The following CSMD1 variants were observed in gnomAD, a reference collection of about 807,000 sequenced individuals.
CSMD1 encodes the protein CUB and sushi domain-containing protein 1.
A neutral mutation model predicts 417.5 loss-of-function variants in CSMD1; 213 were observed. The observed-to-expected ratio is 0.51, with a 90% CI of 0.46 to 0.57. The LOEUF (loss-of-function observed/expected upper bound fraction) is 0.57, where lower values mean the gene tolerates loss of function less well. Ranked by LOEUF, CSMD1 falls within the 20% of genes least tolerant of loss-of-function variation. CSMD1 has a pLI of 0.00. For synonymous variants in CSMD1, 2,862 were observed against 1,736.8 expected, an observed-to-expected ratio of 1.65 and a Z score of -16.11; for missense variants, 6,923 against 4,529.7, an observed-to-expected ratio of 1.53 and a Z score of -15.17.
intron 7 of CSMD1, among the ~76,000 whole-genome samples, chr8:3,706,736 C>G (rs550494856): frequency 3.5e-4 from 54 of 152,226 alleles, no homozygotes; most frequent in Non-Finnish European, 5.9e-4. Flanking sequence ...AACTTTAGAT[C>G]ATTTGTGCAG....
At position 3,202,146 on chromosome 8, in the gene CSMD1, C is replaced by T. The variant is rs544836007; in HGVS notation, c.4985-421G>A. On this transcript the variant is annotated intron_variant, in intron 31 of 69. Transcript: ENST00000635120. ...TTGTACCACTGCACTCCAGCCTGGG[C>T]GACAGAGTGAGACTCTGTCTCAAGA... Among the ~76,000 whole-genome samples the T allele has an allele frequency of 4.6e-5, 7 of 151,952 alleles. No individual in the cohort carries two copies. In the South Asian group the frequency reaches 8.3e-4, roughly 18 times the overall value.
At chr8:4,733,660 C>G (rs1014849814) in intron 1 of CSMD1, among the ~76,000 whole-genome samples, 5 of 152,210 alleles carry the variant, frequency 3.3e-5, no homozygotes, top group Non-Finnish European at 5.9e-5. Context: ...CACATCTGAA[C>G]AGGTATTTTG....
rs76422407 is a variant in CSMD1, at chr8:2,974,342, C to T, written c.8740+109G>A. The T allele has an allele frequency of 2.0e-3, 2,078 of 1,038,772 alleles. 28 individuals carry two copies. In the African/African-American group the frequency reaches 0.029, roughly 15 times the overall value. 64.3% of individuals were successfully genotyped at this position (1,038,772 alleles called of 1,614,324 possible). ...ATGCAATACTAATTTCAAATAAATGCATAATTATAGGGCTTTTCAAATAAC... is the reference window on the plus strand; with the variant it reads ...ATGCAATACTAATTTCAAATAAATGTATAATTATAGGGCTTTTCAAATAAC... On this transcript the variant is annotated intron_variant, in intron 56 of 69. Transcript: ENST00000635120.
chr8:4,041,695 A>G (rs1797903251), intron 3 of CSMD1, among the ~76,000 whole-genome samples: 1 of 152,236 alleles, frequency 6.6e-6, no homozygotes, highest in Non-Finnish European at 1.5e-5. Flanking sequence ...ATTTTCAATC[A>G]GTGAACACCA....
chr8:3,651,796 C>A (rs1450758766), intron 7 of CSMD1, among the ~76,000 whole-genome samples: 1 of 151,474 alleles, frequency 6.6e-6, no homozygotes, highest in Non-Finnish European at 1.5e-5. Flanking sequence ...GCACCCACCA[C>A]CATCGCACTT....
At chr8:4,156,097 G>A (rs903638849) in intron 3 of CSMD1, among the ~76,000 whole-genome samples, 2 of 152,128 alleles carry the variant, frequency 1.3e-5, no homozygotes, top group South Asian at 2.1e-4. Flanking sequence ...AGTTATCAGA[G>A]CATAATAATC....
chr8:4,346,094 C>G (rs1800763969), intron 3 of CSMD1, among the ~76,000 whole-genome samples: 1 of 152,132 alleles, frequency 6.6e-6, no homozygotes, highest in Non-Finnish European at 1.5e-5. Context: ...AGTACTACAA[C>G]TAGAAATCTT....
At chr8:3,654,355 T>A (rs1289863481) in intron 7 of CSMD1, among the ~76,000 whole-genome samples, 1 of 152,196 alleles carries the variant, frequency 6.6e-6, no homozygotes. Context: ...TGATGTCACA[T>A]TGAAATCAGT....
At chr8:4,239,448 G>T (rs1408468853) in intron 3 of CSMD1, among the ~76,000 whole-genome samples, 1 of 152,118 alleles carries the variant, frequency 6.6e-6, no homozygotes, top group Non-Finnish European at 1.5e-5. Context: ...CTGGGTCCTG[G>T]AGCCATCAGT....
At chr8:4,957,386 T>A (rs558828444) in intron 1 of CSMD1, among the ~76,000 whole-genome samples, 378 of 152,278 alleles carry the variant, frequency 2.5e-3, no homozygotes, top group Non-Finnish European at 4.4e-3. Context: ...CAAAAAGCAA[T>A]GAAACACAAA....
intron 1 of CSMD1, among the ~76,000 whole-genome samples, chr8:4,653,639 G>A (rs965636484): frequency 3.3e-5 from 5 of 152,076 alleles, no homozygotes; most frequent in Non-Finnish European, 7.3e-5. Flanking sequence ...AACTGCAGCG[G>A]GTTCCTGATC....
intron 4 of CSMD1, among the ~76,000 whole-genome samples, chr8:4,019,518 G>A (rs953387961): frequency 1.1e-4 from 17 of 152,196 alleles, no homozygotes; most frequent in Admixed American, 3.9e-4. Context: ...AAGTTTGGTG[G>A]TTACCCAAGA....
chr8:3,008,197 A>G (rs1442952919), intron 52 of CSMD1, among the ~76,000 whole-genome samples: 1 of 152,178 alleles, frequency 6.6e-6, no homozygotes, highest in African/African-American at 2.4e-5. Context: ...GAGAGGGAGG[A>G]AAGGCCTAAT....
intron 3 of CSMD1, among the ~76,000 whole-genome samples, chr8:4,389,284 A>C (rs1219295052): frequency 6.6e-6 from 1 of 152,198 alleles, no homozygotes; most frequent in East Asian, 1.9e-4. Flanking sequence ...AACCAGGAGA[A>C]TTAGAAAATG....
chr8:3,827,689 C>T (rs1046808539), intron 5 of CSMD1, among the ~76,000 whole-genome samples: 2 of 152,304 alleles, frequency 1.3e-5, no homozygotes, highest in Non-Finnish European at 2.9e-5. Context: ...AATTTATTGA[C>T]TTCATTGTGA....
intron 2 of CSMD1, among the ~76,000 whole-genome samples, chr8:4,590,209 C>G (rs1176712183): frequency 1.3e-5 from 2 of 151,716 alleles, no homozygotes; most frequent in Middle Eastern, 3.4e-3. Context: ...GATAACTCAT[C>G]TGTGGTATGT....
chr8:3,157,933 C>G lies in CSMD1; in HGVS notation c.5878G>C (p.Val1960Leu). The part of the protein sequence containing the change: ...RSHISCMPGT[V>L]RRWNYPSPLC... ...GGAGACGGATAGTTCCAACGGCGAA[C>G]GGTCCCTGGCATACAGGAAATGTGG... The change falls in exon 39 of 70, where the codon GTT becomes CTT. Residue 1960 changes from valine (V) to leucine (L), a missense_variant. Physicochemically the swap from Val to Leu is conservative, Grantham distance 32 (BLOSUM62 1). Coordinates refer to ENST00000635120, the MANE Select transcript of CSMD1 (RefSeq NM_033225.6). The G allele has an allele frequency of 6.4e-7, 1 of 1,554,754 alleles. No individual in the cohort carries two copies.
intron 2 of CSMD1, among the ~76,000 whole-genome samples, chr8:4,529,896 A>T (rs1440897797): frequency 6.8e-6 from 1 of 146,132 alleles, no homozygotes; most frequent in Non-Finnish European, 1.5e-5. Context: ...AAATTTATTT[A>T]ATTTTTTTAT....
chr8:4,258,725 C>T (rs1465048703), intron 3 of CSMD1, among the ~76,000 whole-genome samples: 1 of 151,966 alleles, frequency 6.6e-6, no homozygotes, highest in Admixed American at 6.6e-5. Context: ...AGGGGTGGAA[C>T]ACAGCAATGT....
Sources: gnomAD v4.1 joint callset for allele counts (sites outside exome capture counted in the v4.1 genomes callset) on GRCh38, gnomAD v4.1.1 for gene constraint, MANE v1.5 for transcripts, NCBI Gene and HGNC (gene_info 2026-07-23, HGNC 2026-07-21) for gene names.